The following NEGR1 variants were observed in gnomAD, a reference collection of about 807,000 sequenced individuals.
The protein encoded by NEGR1 is IgLON family member 4.
In NEGR1, 10 loss-of-function variants were observed where a neutral mutation model predicts 40.9. The ratio of observed to expected loss-of-function variants is 0.24; its 90% confidence interval spans 0.15 to 0.42. The LOEUF (loss-of-function observed/expected upper bound fraction) is 0.42. Ranked by LOEUF, NEGR1 falls within the 10% of genes least tolerant of loss-of-function variation. The pLI is 1.00. For missense variants in NEGR1, 352 were observed against 438.9 expected (o/e 0.80, Z 1.77); for synonymous variants, 185 against 166.8 (o/e 1.11, Z -0.84).
chr1:71,595,365 T>C (rs142487710), intron 5 of NEGR1, among the ~76,000 whole-genome samples: 40 of 152,362 alleles, frequency 2.6e-4, no homozygotes, highest in African/African-American at 9.1e-4. Flanking sequence ...TAAAGCTTAC[T>C]TTCTTCTGCA....
At chr1:71,610,148 C>A (rs1650206865) in intron 5 of NEGR1, among the ~76,000 whole-genome samples, 2 of 152,136 alleles carry the variant, frequency 1.3e-5, no homozygotes, top group Admixed American at 6.5e-5. Context: ...TGAGAATGGA[C>A]TAATACAGTA....
rs141528844 is a variant in NEGR1 at position 71,586,763 on chromosome 1, T to C, written c.940+6054A>G. On this transcript the variant is annotated intron_variant, in intron 6 of 6. Coordinates refer to ENST00000357731, the MANE Select transcript of NEGR1 (RefSeq NM_173808.3). ...GAAGAGGTAAAATATTCTCTTGCTT[T>C]ACTCATACTACACTTCAGCAAATTT... 3.3e-4 allele frequency among the ~76,000 whole-genome samples: 51 copies of C among 152,256 alleles called. 1 individual carries two copies. The highest frequency in any genetic ancestry group is 1.2e-3 in the African/African-American group (49 of 41,568).
At chr1:72,059,042 T>C (rs1028484309) in intron 1 of NEGR1, among the ~76,000 whole-genome samples, 3 of 151,684 alleles carry the variant, frequency 2.0e-5, no homozygotes, top group Non-Finnish European at 4.4e-5. Context: ...ACTAGAACCT[T>C]GTCTTTCAGA....
chr1:71,850,117 A>T (rs1286583097), intron 2 of NEGR1, among the ~76,000 whole-genome samples: 1 of 150,384 alleles, frequency 6.6e-6, no homozygotes, highest in Non-Finnish European at 1.5e-5. Context: ...TGTTAAGAAC[A>T]TTTATAATCT....
intron 5 of NEGR1, among the ~76,000 whole-genome samples, chr1:71,602,094 C>A (rs1649939384): frequency 6.6e-6 from 1 of 152,064 alleles, no homozygotes; most frequent in African/African-American, 2.4e-5. Context: ...ACATTTAAGA[C>A]CCTCCAAGTC....
intron 3 of NEGR1, among the ~76,000 whole-genome samples, chr1:71,713,599 A>T (rs931984998): frequency 1.3e-5 from 2 of 152,222 alleles, no homozygotes; most frequent in African/African-American, 4.8e-5. Context: ...AATCAATCAG[A>T]TTATTTCCTA....
At chr1:72,001,170 T>G (rs368525625) in intron 1 of NEGR1, among the ~76,000 whole-genome samples, 1 of 152,086 alleles carries the variant, frequency 6.6e-6, no homozygotes, top group African/African-American at 2.4e-5. Flanking sequence ...CGGCTTCTTA[T>G]AAAAGCTTCT....
chr1:71,776,520 TAAATGGAATATTTAATAACAA>T, intron 2 of NEGR1, among the ~76,000 whole-genome samples: 1 of 152,168 alleles, frequency 6.6e-6, no homozygotes, highest in East Asian at 1.9e-4. Flanking sequence ...TACCTCAGGA[TAAATGGAATATTTAATAACAA>T]AAATGTTTAA....
At chr1:71,770,747 G>A (rs1313952602) in intron 3 of NEGR1, among the ~76,000 whole-genome samples, 1 of 152,124 alleles carries the variant, frequency 6.6e-6, no homozygotes, top group African/African-American at 2.4e-5. Flanking sequence ...AAACCACAAC[G>A]AGATACCATT....
intron 1 of NEGR1, among the ~76,000 whole-genome samples, chr1:71,996,695 C>A (rs544310883): frequency 6.6e-6 from 1 of 152,208 alleles, no homozygotes; most frequent in South Asian, 2.1e-4. Flanking sequence ...AATCTGTAAT[C>A]TTTCATGCCT....
At chr1:71,745,280 C>T (rs1456861043) in intron 3 of NEGR1, among the ~76,000 whole-genome samples, 2 of 152,180 alleles carry the variant, frequency 1.3e-5, no homozygotes, top group African/African-American at 4.8e-5. Flanking sequence ...ACTGTCTACT[C>T]TTTTTCCATC....
chr1:71,484,575 T>C (rs1399771705), intron 6 of NEGR1, among the ~76,000 whole-genome samples: 2 of 151,782 alleles, frequency 1.3e-5, no homozygotes, highest in Non-Finnish European at 2.9e-5. Context: ...CAAATAGCCT[T>C]TAATTTAACG....
intron 1 of NEGR1, among the ~76,000 whole-genome samples, chr1:71,966,364 G>A (rs1374349961): frequency 2.0e-5 from 3 of 152,130 alleles, no homozygotes; most frequent in South Asian, 2.1e-4. Context: ...TGCATGGATC[G>A]AAAAGTATTT....
chr1:71,954,095 T>G (rs1004531109), intron 1 of NEGR1, among the ~76,000 whole-genome samples: 1 of 151,912 alleles, frequency 6.6e-6, no homozygotes, highest in East Asian at 1.9e-4. Flanking sequence ...GAATGTGAAA[T>G]GGTTCTTTAT....
At chr1:71,474,661 A>G (rs949788617) in intron 6 of NEGR1, among the ~76,000 whole-genome samples, 3 of 148,348 alleles carry the variant, frequency 2.0e-5, no homozygotes, top group African/African-American at 7.5e-5. Flanking sequence ...CAGTGAGCCA[A>G]ATTGTACCAT....
chr1:72,026,769 C>T (rs371332307), intron 1 of NEGR1, among the ~76,000 whole-genome samples: 13 of 152,090 alleles, frequency 8.5e-5, no homozygotes, highest in South Asian at 8.3e-4. Context: ...ACCCTCTTTT[C>T]CTTTTTTTTC....
chr1:71,431,877 A>G (rs912577462), intron 6 of NEGR1, among the ~76,000 whole-genome samples: 1 of 152,208 alleles, frequency 6.6e-6, no homozygotes, highest in African/African-American at 2.4e-5. Flanking sequence ...GATTTAAATA[A>G]AGTAATGAGA....
At chr1:71,528,841 A>C (rs1569990310) in intron 6 of NEGR1, among the ~76,000 whole-genome samples, 1 of 151,328 alleles carries the variant, frequency 6.6e-6, no homozygotes, top group East Asian at 2.0e-4. Context: ...CGGGAACTAG[A>C]TTGTTTCATA....
chr1:71,899,328 G>C (rs1269100494), intron 2 of NEGR1, among the ~76,000 whole-genome samples: 3 of 151,984 alleles, frequency 2.0e-5, no homozygotes, highest in African/African-American at 7.3e-5. Context: ...TATGGAGGAA[G>C]GGTATGGAGG....
Sources: gnomAD v4.1 joint callset for allele counts (sites outside exome capture counted in the v4.1 genomes callset) on GRCh38, gnomAD v4.1.1 for gene constraint, MANE v1.5 for transcripts, NCBI Gene and HGNC (gene_info 2026-07-23, HGNC 2026-07-21) for gene names.